The following KLHL4 variants were observed in gnomAD, a reference collection of about 807,000 sequenced individuals.
KLHL4 encodes the protein kelch-like protein 4.
KLHL4 carries 17 observed loss-of-function variants against 45.8 expected under a neutral mutation model. That is an observed-to-expected ratio of 0.37 (90% CI 0.25 to 0.56). KLHL4 has a LOEUF of 0.56. Among genes scored for constraint, KLHL4 ranks in the 20% least tolerant of loss-of-function variants. The pLI is 0.79. For synonymous variants in KLHL4, 224 were observed against 189.9 expected (o/e 1.18, Z -1.47); for missense variants, 544 against 544.9 (o/e 1.00, Z 0.02).
At chrX:87,560,279 C>A (rs1438467984) in intron 1 of KLHL4, among the ~76,000 whole-genome samples, 2 of 111,956 alleles carry the variant, frequency 1.8e-5, no homozygotes, top group Non-Finnish European at 3.8e-5. Context: ...ATCCGTGTAG[C>A]TATTTTCCAC....
chrX:87,632,186 C>T (rs1923116537), intron 6 of KLHL4, 24 bp from the exon 7 acceptor site: 3 of 971,500 alleles, frequency 3.1e-6, no homozygotes, highest in Middle Eastern at 2.7e-4. Context: ...TAGATTTTAC[C>T]GTTGTTCAAT....
chrX:87,661,246 C>A (rs779687198), intron 9 of KLHL4, among the ~76,000 whole-genome samples: 1 of 111,367 alleles, frequency 9.0e-6, no homozygotes, highest in Non-Finnish European at 1.9e-5. Context: ...GTTGGGGCTT[C>A]GTGGTAAAAC....
At chrX:87,638,792 C>T (rs1013749143) in intron 9 of KLHL4, among the ~76,000 whole-genome samples, 3 of 110,737 alleles carry the variant, frequency 2.7e-5, no homozygotes, top group Admixed American at 9.6e-5. Flanking sequence ...AAAAAAATAC[C>T]AAGGTATTCA....
At chrX:87,640,438 TC>T (rs1923413978) in intron 9 of KLHL4, among the ~76,000 whole-genome samples, 1 of 111,542 alleles carries the variant, frequency 9.0e-6, no homozygotes, top group African/African-American at 3.3e-5. Context: ...GCAAAAATTC[TC>T]AACACAATAC....
chrX:87,662,858 A>C (rs766134012), intron 9 of KLHL4, among the ~76,000 whole-genome samples: 3 of 103,036 alleles, frequency 2.9e-5, no homozygotes, highest in African/African-American at 1.1e-4. Context: ...TGAACCCAGG[A>C]GGCGGAGCTT....
chrX:87,642,710 T>A lies in KLHL4; in HGVS notation c.1925+6935T>A, dbSNP rs778940282. 1.8e-3 allele frequency among the ~76,000 whole-genome samples: 201 copies of A among 111,731 alleles called. 2 individuals carry two copies. Among genetic ancestry groups the A allele is most frequent in the Admixed American group, 4.6e-3 (49 of 10,582 alleles). ...ATAGACAGCTTAAAGAAAAAAACAA[T>A]CAAAAATCCAGGAAACTTTGGACAC... On this transcript the variant is annotated intron_variant, in intron 9 of 10. Coordinates refer to ENST00000373119, the MANE Select transcript of KLHL4 (RefSeq NM_019117.5).
At chrX:87,591,309 A>T (rs1429160132) in intron 1 of KLHL4, among the ~76,000 whole-genome samples, 1 of 111,956 alleles carries the variant, frequency 8.9e-6, no homozygotes, top group African/African-American at 3.2e-5. Flanking sequence ...GTCTATTCAG[A>T]TTATTAGCCA....
At chrX:87,661,440 C>T (rs764595967) in intron 9 of KLHL4, among the ~76,000 whole-genome samples, 2 of 110,312 alleles carry the variant, frequency 1.8e-5, no homozygotes, top group South Asian at 7.7e-4. Flanking sequence ...ATTCTGTGAA[C>T]CCTTGAAATT....
chrX:87,569,648 G>A (rs1932291171), intron 1 of KLHL4, among the ~76,000 whole-genome samples: 1 of 111,442 alleles, frequency 9.0e-6, no homozygotes, highest in Admixed American at 9.5e-5. Context: ...GCCGTATAAA[G>A]GAATGAAATA....
intron 1 of KLHL4, among the ~76,000 whole-genome samples, chrX:87,521,939 A>C (rs190905822): frequency 5.8e-4 from 65 of 112,751 alleles, no homozygotes; most frequent in African/African-American, 2.0e-3. Context: ...GGATATGGCT[A>C]TTCAGCCAGC....
intron 9 of KLHL4, among the ~76,000 whole-genome samples, chrX:87,648,087 A>G (rs1923694899): frequency 9.0e-6 from 1 of 110,779 alleles, no homozygotes; most frequent in Non-Finnish European, 1.9e-5. Context: ...TGAATGGGAG[A>G]CACTCACTTG....
chrX:87,622,493 T>C, intron 5 of KLHL4, 70 bp downstream of exon 5: 1 of 675,602 alleles, frequency 1.5e-6, no homozygotes, highest in Non-Finnish European at 2.2e-6. Context: ...CCATTTCTTA[T>C]TTGCCTAATT....
intron 1 of KLHL4, among the ~76,000 whole-genome samples, chrX:87,582,947 T>C (rs779905351): frequency 1.2e-4 from 13 of 111,615 alleles, no homozygotes; most frequent in Non-Finnish European, 2.3e-4. Flanking sequence ...CCATGTTCTG[T>C]TTCTGTCCTA....
At chrX:87,579,925 GA>G (rs1921219471) in intron 1 of KLHL4, among the ~76,000 whole-genome samples, 1 of 111,902 alleles carries the variant, frequency 8.9e-6, no homozygotes, top group Non-Finnish European at 1.9e-5. Context: ...TGTGAATACA[GA>G]ATACCATAAT....
At chrX:87,580,169 A>C (rs1254543697) in intron 1 of KLHL4, among the ~76,000 whole-genome samples, 1 of 111,263 alleles carries the variant, frequency 9.0e-6, no homozygotes, top group Non-Finnish European at 1.9e-5. Flanking sequence ...GATAACTACA[A>C]GATATTTTAT....
chrX:87,618,561 C>T (rs754859024), intron 4 of KLHL4, among the ~76,000 whole-genome samples: 42 of 111,589 alleles, frequency 3.8e-4, no homozygotes, highest in Non-Finnish European at 6.4e-4. Context: ...AAATTAGTGG[C>T]GCAATCTCAG....
Position 87,633,903 on chromosome X carries a change from A to G in KLHL4, c.1704A>G (p.Leu568=). The G allele has an allele frequency of 8.3e-7, 1 of 1,201,816 alleles. No individual in the cohort carries two copies. Among genetic ancestry groups the G allele is most frequent in the Non-Finnish European group, 1.1e-6 (1 of 890,280 alleles). ...GAAGCACAGTTGGTGTTGTTGCATT[A>G]AACAACAAGTGAGTAAGTTGAAACA... The part of the protein sequence containing the change: ...TPRSTVGVVA[L]NNKLYAIGGR... Residue 568 remains leucine, a synonymous_variant, in exon 8 of 11, where the codon TTA becomes TTG. Coordinates refer to ENST00000373119, the MANE Select transcript of KLHL4 (RefSeq NM_019117.5).
At chrX:87,539,896 T>G (rs1931515132) in intron 1 of KLHL4, among the ~76,000 whole-genome samples, 2 of 110,932 alleles carry the variant, frequency 1.8e-5, no homozygotes, top group African/African-American at 6.5e-5. Context: ...TGTTAGGCAA[T>G]TTTGTCTTCG....
intron 1 of KLHL4, among the ~76,000 whole-genome samples, chrX:87,576,581 C>A (rs1921108173): frequency 2.7e-5 from 3 of 111,424 alleles, no homozygotes; most frequent in African/African-American, 9.8e-5. Context: ...ATAAAATGAA[C>A]TACAATTGAT....
Sources: gnomAD v4.1 joint callset for allele counts (sites outside exome capture counted in the v4.1 genomes callset) on GRCh38, gnomAD v4.1.1 for gene constraint, MANE v1.5 for transcripts, NCBI Gene and HGNC (gene_info 2026-07-23, HGNC 2026-07-21) for gene names.